HEXB: variants seen among roughly 807,000 people sequenced by gnomAD.
HEXB encodes the protein hexosaminidase subunit beta, also known as beta-hexosaminidase subunit beta.
HEXB carries 51 observed loss-of-function variants against 71.2 expected under a neutral mutation model. That is an observed-to-expected ratio of 0.72 (90% CI 0.57 to 0.90). HEXB has a LOEUF of 0.90. HEXB is among the 40% of genes least tolerant of loss of function. The probability of loss-of-function intolerance (pLI) is 0.00; values close to 1 mark genes in which losing one functional copy is unlikely to be tolerated. For missense variants in HEXB, 617 were observed against 677.0 expected, an observed-to-expected ratio of 0.91 and a Z score of 0.98; for synonymous variants, 266 against 249.3, an observed-to-expected ratio of 1.07 and a Z score of -0.63.
At chr5:74,710,876 T>C (rs1468637357) in intron 6 of HEXB, among the ~76,000 whole-genome samples, 1 of 152,068 alleles carries the variant, frequency 6.6e-6, no homozygotes, top group Non-Finnish European at 1.5e-5. Context: ...AATTTATAGA[T>C]TCAATGCCAT....
intron 1 of HEXB, among the ~76,000 whole-genome samples, chr5:74,658,007 T>C (rs1175383976): frequency 6.6e-6 from 1 of 152,212 alleles, no homozygotes; most frequent in African/African-American, 2.4e-5. Flanking sequence ...TGTGACCTAG[T>C]TGATGGCAGG....
intron 6 of HEXB, among the ~76,000 whole-genome samples, chr5:74,706,612 C>T (rs1003219508): frequency 6.6e-5 from 10 of 152,298 alleles, no homozygotes; most frequent in South Asian, 4.1e-4. Flanking sequence ...GCTTTTCCGA[C>T]GGGCTTAGGA....
At chr5:74,672,167 G>C (rs1360319909) in intron 1 of HEXB, among the ~76,000 whole-genome samples, 1 of 152,242 alleles carries the variant, frequency 6.6e-6, no homozygotes, top group East Asian at 1.9e-4. Context: ...TGTCAAAGTG[G>C]TCACCACATG....
At chr5:74,693,926 G>A in intron 3 of HEXB, among the ~76,000 whole-genome samples, 1 of 152,296 alleles carries the variant, frequency 6.6e-6, no homozygotes, top group East Asian at 1.9e-4. Context: ...AGAGGCTGAG[G>A]TAGGTGATGA....
chr5:74,656,213 G>T (rs9716515), intron 1 of HEXB, among the ~76,000 whole-genome samples: 5,008 of 152,104 alleles, frequency 0.033, 287 homozygotes, highest in African/African-American at 0.11. Context: ...CCCAGCACTT[G>T]GGGAGGCCTA....
chr5:74,655,796 A>G (rs904715), intron 1 of HEXB, among the ~76,000 whole-genome samples: 63,128 of 152,048 alleles, frequency 0.42, 14,745 homozygotes, highest in East Asian at 0.63. Context: ...AAAATTCTGA[A>G]TAGAATTTTA....
intron 1 of HEXB, among the ~76,000 whole-genome samples, chr5:74,669,815 A>G (rs1427380060): frequency 1.3e-5 from 2 of 152,200 alleles, no homozygotes; most frequent in Non-Finnish European, 1.5e-5. Flanking sequence ...TCATATCTCA[A>G]TTTGGCTGAA....
chr5:74,708,947 A>T (rs894729244), intron 6 of HEXB, among the ~76,000 whole-genome samples: 7 of 152,234 alleles, frequency 4.6e-5, no homozygotes, highest in Non-Finnish European at 4.4e-5. Flanking sequence ...TGAACCTAAT[A>T]GACATCTACA....
At chr5:74,650,655 C>T (rs1343680175) in intron 1 of HEXB, among the ~76,000 whole-genome samples, 1 of 152,064 alleles carries the variant, frequency 6.6e-6, no homozygotes, top group Non-Finnish European at 1.5e-5. Flanking sequence ...GGCGCGGTGG[C>T]TCACGCCTGT....
chr5:74,707,516 A>G (rs1439185713), intron 6 of HEXB, among the ~76,000 whole-genome samples: 1 of 152,208 alleles, frequency 6.6e-6, no homozygotes, highest in Non-Finnish European at 1.5e-5. Context: ...ATTCAAACCA[A>G]AGGCAAAGAA....
chr5:74,644,694 T>G (rs1433000085), intron 1 of HEXB, among the ~76,000 whole-genome samples: 1 of 151,364 alleles, frequency 6.6e-6, no homozygotes, highest in African/African-American at 2.4e-5. Context: ...CTTTGTGCGT[T>G]AAAAAAAGTT....
chr5:74,674,448 G>GA (rs1748594418), intron 1 of HEXB, among the ~76,000 whole-genome samples: 1 of 151,704 alleles, frequency 6.6e-6, no homozygotes, highest in African/African-American at 2.4e-5. Context: ...CTAAAAATAC[G>GA]AAAAAATTAG....
Position 74,705,261 on chromosome 5 carries a change from A to G in HEXB, c.712A>G (p.Ile238Val), listed in dbSNP as rs1481540190. The G allele has an allele frequency of 6.2e-7, 1 of 1,612,690 alleles. No homozygotes were observed. The highest frequency in any genetic ancestry group is 8.5e-7 in the Non-Finnish European group (1 of 1,178,736). Reference sequence around the variant, plus strand: ...TAAGTTTAATGTTCTTCACTGGCACATAGTTGATGACCAGTCTTTCCCATA... The same window carrying G: ...TAAGTTTAATGTTCTTCACTGGCACGTAGTTGATGACCAGTCTTTCCCATA... Reference protein sequence around the residue: ...FNKFNVLHWHIVDDQSFPYQS... With the variant: ...FNKFNVLHWHVVDDQSFPYQS... Residue 238 changes from isoleucine (I) to valine (V), a missense_variant, in exon 6 of 14, where the codon ATA becomes GTA. Ile to Val is a conservative substitution (Grantham distance 29). Coordinates refer to ENST00000261416, the MANE Select transcript of HEXB (RefSeq NM_000521.4).
At chr5:74,668,164 G>GCAGCCATACGCCTCTTC (rs1362687676) in intron 1 of HEXB, among the ~76,000 whole-genome samples, 1 of 152,044 alleles carries the variant, frequency 6.6e-6, no homozygotes, top group Non-Finnish European at 1.5e-5. Context: ...CAGGAGAGTT[G>GCAGCCATACGCCTCTTC]CAGCCATACG....
intron 1 of HEXB, among the ~76,000 whole-genome samples, chr5:74,647,639 A>C (rs1017285201): frequency 6.6e-5 from 10 of 152,270 alleles, no homozygotes; most frequent in Non-Finnish European, 1.3e-4. Context: ...CTCGTAAGTA[A>C]TTTTAGAAAA....
intron 1 of HEXB, among the ~76,000 whole-genome samples, chr5:74,645,790 T>G (rs1437645945): frequency 6.6e-6 from 1 of 152,226 alleles, no homozygotes; most frequent in Non-Finnish European, 1.5e-5. Context: ...GGTTATAGAT[T>G]TTAGGGTCAG....
At chr5:74,672,440 G>T (rs971085720) in intron 1 of HEXB, among the ~76,000 whole-genome samples, 1 of 152,202 alleles carries the variant, frequency 6.6e-6, no homozygotes. Flanking sequence ...GTAAGTCCTG[G>T]TGAGAAGTGA....
chr5:74,696,895 A>G (rs749153327), intron 4 of HEXB, 101 bp from the exon 5 acceptor site: 131 of 780,348 alleles, frequency 1.7e-4, no homozygotes, highest in Non-Finnish European at 2.6e-4. Context: ...GTTGTTCTAA[A>G]TTAATATTTT....
At chr5:74,707,011 T>C (rs1241083157) in intron 6 of HEXB, among the ~76,000 whole-genome samples, 129 of 152,368 alleles carry the variant, frequency 8.5e-4, no homozygotes, top group African/African-American at 2.9e-3. Flanking sequence ...GGGTCCCTGA[T>C]CCCTGAGCAG....
Sources: gnomAD v4.1 joint callset for allele counts (sites outside exome capture counted in the v4.1 genomes callset) on GRCh38, gnomAD v4.1.1 for gene constraint, MANE v1.5 for transcripts, NCBI Gene and HGNC (gene_info 2026-07-23, HGNC 2026-07-21) for gene names.